Variants in STAT5B observed in about 807,000 individuals in gnomAD.
STAT5B encodes transcription factor STAT5B.
Under a neutral mutation model 107.8 loss-of-function variants are expected in STAT5B, and 21 were observed. The observed-to-expected ratio is 0.19, with a 90% confidence interval of 0.14 to 0.28. The LOEUF (loss-of-function observed/expected upper bound fraction) is 0.28, where lower values mean the gene tolerates loss of function less well. Among genes scored for constraint, STAT5B ranks in the 10% least tolerant of loss-of-function variants. The pLI is 1.00. For synonymous variants in STAT5B, 325 were observed against 401.7 expected (o/e 0.81, Z 2.28); for missense variants, 565 against 1,008.2 (o/e 0.56, Z 5.95).
intron 1 of STAT5B, among the ~76,000 whole-genome samples, chr17:42,253,107 C>CCTTT (rs3048166): frequency 0.049 from 7,313 of 148,506 alleles, 296 homozygotes; most frequent in African/African-American, 0.12. Flanking sequence ...AGACGTTGAA[C>CCTTT]CTTTCTTTCT....
At chr17:42,206,879 T>C (rs968115953) in intron 16 of STAT5B, among the ~76,000 whole-genome samples, 1 of 83,026 alleles carries the variant, frequency 1.2e-5, no homozygotes. Flanking sequence ...CCGACCTTCC[T>C]TTTTTTTTTT....
rs9897531 is a variant in STAT5B at position 42,210,690 on chromosome 17, A to T, written c.1681-193T>A. ...AAGAGGGAAGAAGGGGAAAATACCAAACTGCAGTTACCAGCACCCAGTGGG... is the reference window on the plus strand; with the variant it reads ...AAGAGGGAAGAAGGGGAAAATACCATACTGCAGTTACCAGCACCCAGTGGG... On this transcript the variant is annotated intron_variant, in intron 13 of 18. Coordinates refer to ENST00000293328, the MANE Select transcript of STAT5B (RefSeq NM_012448.4). The T allele has an allele frequency of 6.3e-3, 3,876 of 612,440 alleles. 84 individuals carry two copies. The highest frequency in any genetic ancestry group is 0.051 in the African/African-American group (2,812 of 54,754). The allele number at this position is 612,440 out of a possible 1,614,324, so 37.9% of individuals were successfully genotyped here.
chr17:42,264,443 T>C (rs2080649109), intron 1 of STAT5B, among the ~76,000 whole-genome samples: 1 of 147,526 alleles, frequency 6.8e-6, no homozygotes, highest in African/African-American at 2.5e-5. Context: ...CACCTATGAG[T>C]GAGAATATGT....
At chr17:42,214,727 G>A (rs1290951611) in intron 12 of STAT5B, 3 of 866,896 alleles carry the variant, frequency 3.5e-6, no homozygotes, top group Non-Finnish European at 2.8e-6. Flanking sequence ...TTGGAAATAT[G>A]TAACAAATGA....
chr17:42,236,936 G>A (rs1278844689), intron 1 of STAT5B, among the ~76,000 whole-genome samples: 3 of 152,032 alleles, frequency 2.0e-5, no homozygotes, highest in Non-Finnish European at 4.4e-5. Context: ...CTTATTTACG[G>A]GCAGCTCCAA....
intron 1 of STAT5B, among the ~76,000 whole-genome samples, chr17:42,256,232 T>C (rs2080542847): frequency 6.6e-6 from 1 of 152,148 alleles, no homozygotes; most frequent in South Asian, 2.1e-4. Context: ...TGCTGTCTCC[T>C]CTCTCTTCTC....
chr17:42,253,849 G>C (rs949476704), intron 1 of STAT5B, among the ~76,000 whole-genome samples: 3 of 152,054 alleles, frequency 2.0e-5, no homozygotes, highest in Non-Finnish European at 4.4e-5. Context: ...CCTGGTTTTG[G>C]ATAATTTCTC....
chr17:42,211,892 C>T lies in STAT5B; in HGVS notation c.1680+92G>A, dbSNP rs1331838851. The T allele has an allele frequency of 9.8e-6, 15 of 1,531,332 alleles. No homozygotes were observed. In the East Asian group the frequency reaches 3.4e-4, roughly 35 times the overall value. 94.9% of individuals were successfully genotyped at this position (1,531,332 alleles called of 1,614,324 possible). ...TACTTTCGGTACATTTTATTAGAGACATGAAGAATAAGGGCCCAGGGCAGG... is the reference window on the plus strand; with the variant it reads ...TACTTTCGGTACATTTTATTAGAGATATGAAGAATAAGGGCCCAGGGCAGG... On this transcript the variant is annotated intron_variant, in intron 13 of 18. Transcript: ENST00000293328.
At chr17:42,283,237 GCCAGGCTTGAC>G in the STAT5B span, among the ~76,000 whole-genome samples, 2,896 of 152,096 alleles carry the variant, frequency 0.019, 84 homozygotes, top group African/African-American at 0.066. Context: ...AGGATGAGAA[GCCAGGCTTGAC>G]CCAGGGCTGC....
intron 3 of STAT5B, among the ~76,000 whole-genome samples, chr17:42,225,459 A>G (rs1328060797): frequency 6.6e-6 from 1 of 152,118 alleles, no homozygotes; most frequent in Non-Finnish European, 1.5e-5. Flanking sequence ...TACTACCACC[A>G]ATGAGGGGAC....
chr17:42,276,310 CCGCT>C lies in STAT5B; in HGVS notation c.-77_-74del, dbSNP rs1159000606. 3.4e-5 allele frequency: 5 copies of C among 147,450 alleles called. No individual in the cohort carries two copies. The highest frequency in any genetic ancestry group is 6.0e-5 in the Non-Finnish European group (4 of 66,238). The allele number at this position is 147,450 out of a possible 1,614,324, so 9.1% of individuals were successfully genotyped here. A position where few individuals can be genotyped will look rare whatever the true frequency, so the allele number is the denominator to read the frequency against. ...CCAGCTGTCTGGCTTGCCCGCCCGC[CCGCT>C]CGCTCCCTCCCTCGGCCGGGCCGCC... On this transcript the variant is annotated 5_prime_UTR_variant, in exon 1 of 19. Coordinates refer to ENST00000293328, the MANE Select transcript of STAT5B (RefSeq NM_012448.4). The surrounding 1 kb of genome is among the most constrained non-coding windows in gnomAD (Gnocchi z 4.8).
At chr17:42,231,252 C>T (rs1029916814) in intron 2 of STAT5B, among the ~76,000 whole-genome samples, 3 of 152,226 alleles carry the variant, frequency 2.0e-5, no homozygotes, top group Non-Finnish European at 4.4e-5. Flanking sequence ...GCAATCCTCC[C>T]ACCTCAGCAT....
At chr17:42,271,605 A>T (rs2080722766) in intron 1 of STAT5B, 1 of 152,218 alleles carries the variant, frequency 6.6e-6, no homozygotes, top group Non-Finnish European at 1.5e-5. Flanking sequence ...AGGGTACCAA[A>T]GGTAATAGAA....
At chr17:42,213,695 T>G (rs548281185) in intron 12 of STAT5B, among the ~76,000 whole-genome samples, 1 of 151,082 alleles carries the variant, frequency 6.6e-6, no homozygotes, top group Non-Finnish European at 1.5e-5. Flanking sequence ...GCCCAGCTAA[T>G]TTTTGTATTT....
intron 15 of STAT5B, among the ~76,000 whole-genome samples, chr17:42,209,882 A>C (rs2080114804): frequency 6.6e-6 from 1 of 152,214 alleles, no homozygotes. Context: ...GAGGGAAGCA[A>C]CTGAGATTCT....
intron 1 of STAT5B, among the ~76,000 whole-genome samples, chr17:42,235,880 A>ATAT (rs1192381585): frequency 2.6e-5 from 4 of 152,224 alleles, no homozygotes; most frequent in African/African-American, 9.6e-5. Context: ...ACACAAACAA[A>ATAT]TATTTAACAT....
In STAT5B at chr17:42,201,103, G is replaced by A. The variant is rs549000823; in HGVS notation, c.*635C>T. ...GCTAAATGTTTTGTGAAAAGCCACC[G>A]CCCATCCGAAAGCTTGTGACTTCCC... On this transcript the variant is annotated 3_prime_UTR_variant, in exon 19 of 19. Transcript: ENST00000293328. 8.4e-4 allele frequency: 338 copies of A among 403,700 alleles called. No homozygotes were observed. Among genetic ancestry groups the A allele is most frequent in the Non-Finnish European group, 1.2e-3 (270 of 228,976 alleles). 25.0% of individuals were successfully genotyped at this position (403,700 alleles called of 1,614,324 possible). A position where few individuals can be genotyped will look rare whatever the true frequency, so the allele number is the denominator to read the frequency against.
intron 1 of STAT5B, among the ~76,000 whole-genome samples, chr17:42,245,073 ATTTTTTTT>A (rs745914040): frequency 9.5e-6 from 1 of 105,502 alleles, no homozygotes; most frequent in Admixed American, 9.7e-5. Flanking sequence ...TGCCTGGCTA[ATTTTTTTT>A]TTTTTTTTTT....
At chr17:42,212,795 T>C (rs2080140269) in intron 12 of STAT5B, among the ~76,000 whole-genome samples, 1 of 152,226 alleles carries the variant, frequency 6.6e-6, no homozygotes, top group African/African-American at 2.4e-5. Context: ...CAAACACTTT[T>C]TTCAATAGGT....
Sources: gnomAD v4.1 joint callset for allele counts (sites outside exome capture counted in the v4.1 genomes callset) on GRCh38, gnomAD v4.1.1 for gene constraint, Gnocchi (gnomAD v3.1) non-coding constraint, MANE v1.5 for transcripts, NCBI Gene and HGNC (gene_info 2026-07-23, HGNC 2026-07-21) for gene names.